Variants in DLG2 observed in about 807,000 individuals in gnomAD.
DLG2 encodes disks large homolog 2.
Under a neutral mutation model 132.5 loss-of-function variants are expected in DLG2, and 45 were observed. That is an observed-to-expected ratio of 0.34 (90% confidence interval 0.27 to 0.44). The LOEUF (loss-of-function observed/expected upper bound fraction) is 0.44. Among genes scored for constraint, DLG2 ranks in the 20% least tolerant of loss-of-function variants. The pLI, the probability that DLG2 is intolerant of heterozygous loss-of-function variation, is 1.00. For missense variants in DLG2, 1,045 were observed against 1,196.9 expected (o/e 0.87, Z 1.87); for synonymous variants, 424 against 419.6 (o/e 1.01, Z -0.13).
At chr11:84,660,478 C>T (rs1237175325) in intron 6 of DLG2, among the ~76,000 whole-genome samples, 1 of 152,038 alleles carries the variant, frequency 6.6e-6, no homozygotes, top group Non-Finnish European at 1.5e-5. Flanking sequence ...ATCTCTATAA[C>T]CTTCTGAGGA....
intron 6 of DLG2, among the ~76,000 whole-genome samples, chr11:84,810,723 T>C (rs2076461792): frequency 6.6e-6 from 1 of 152,126 alleles, no homozygotes; most frequent in Non-Finnish European, 1.5e-5. Flanking sequence ...TTAAACAAGC[T>C]GCAGTGTGTC....
At chr11:83,914,990 CA>C (rs1426786049) in intron 15 of DLG2, among the ~76,000 whole-genome samples, 1 of 151,812 alleles carries the variant, frequency 6.6e-6, no homozygotes, top group Non-Finnish European at 1.5e-5. Context: ...GAAACAGACA[CA>C]TAAAGGATGA....
chr11:84,912,624 A>G (rs1385614829), intron 6 of DLG2, among the ~76,000 whole-genome samples: 7 of 152,256 alleles, frequency 4.6e-5, no homozygotes, highest in Admixed American at 2.6e-4. Context: ...ACCTAGAAGC[A>G]TTGCAGACTA....
intron 6 of DLG2, among the ~76,000 whole-genome samples, chr11:84,669,465 C>A (rs1304964142): frequency 6.6e-6 from 1 of 152,178 alleles, no homozygotes; most frequent in African/African-American, 2.4e-5. Flanking sequence ...GAACGCACTA[C>A]TATCACCTCT....
intron 18 of DLG2, among the ~76,000 whole-genome samples, chr11:83,784,626 T>C (rs936277069): frequency 1.8e-4 from 28 of 152,230 alleles, no homozygotes; most frequent in African/African-American, 6.8e-4. Flanking sequence ...AACTACAGCA[T>C]AGTAACCAAA....
intron 6 of DLG2, among the ~76,000 whole-genome samples, chr11:84,970,997 C>T (rs896785540): frequency 6.6e-6 from 1 of 152,034 alleles, no homozygotes; most frequent in Non-Finnish European, 1.5e-5. Context: ...TTTTAAATTA[C>T]TTGGGGTATA....
In DLG2 at chr11:83,766,238, C is replaced by T. The variant is rs983335190; in HGVS notation, c.1825+20452G>A. 5.9e-5 allele frequency among the ~76,000 whole-genome samples: 9 copies of T among 152,008 alleles called. No homozygotes were observed. The South Asian group carries it at 1.9e-3, about 32-fold the overall frequency. On this transcript the variant is annotated intron_variant, in intron 18 of 27. Transcript: ENST00000376104. ...CTTCCCAAGTAGCTGGGACTACAGG[C>T]ACGTGCCACCACACCTGGCTAATTT... is the stretch of plus-strand genomic sequence containing the variant.
intron 18 of DLG2, among the ~76,000 whole-genome samples, chr11:83,698,931 C>T (rs957863118): frequency 6.6e-6 from 1 of 152,158 alleles, no homozygotes; most frequent in African/African-American, 2.4e-5. Flanking sequence ...ATATCAGTAG[C>T]TTTTGCTGCA....
In DLG2 at chr11:84,406,692, T is replaced by A. The variant is rs114804796; in HGVS notation, c.519+127878A>T. 3.2e-3 allele frequency among the ~76,000 whole-genome samples: 491 copies of A among 152,348 alleles called. 3 individuals carry two copies. The highest frequency in any genetic ancestry group is 0.011 in the African/African-American group (477 of 41,582). ...ATTCCTCTTGGCCTGCCTTTTTCAA[T>A]TCTGGAGGGAGCAGAATTCTTGCTC... On this transcript the variant is annotated intron_variant, in intron 7 of 27. Coordinates refer to ENST00000376104, the MANE Select transcript of DLG2 (RefSeq NM_001142699.3).
intron 14 of DLG2, among the ~76,000 whole-genome samples, chr11:83,939,556 T>C (rs2082204757): frequency 6.6e-6 from 1 of 152,178 alleles, no homozygotes; most frequent in Non-Finnish European, 1.5e-5. Flanking sequence ...TTCTTTCTTT[T>C]TATCATGGTG....
intron 3 of DLG2, among the ~76,000 whole-genome samples, chr11:85,594,321 G>C (rs2079573832): frequency 6.6e-6 from 1 of 152,156 alleles, no homozygotes; most frequent in Non-Finnish European, 1.5e-5. Flanking sequence ...GAAATGAAAT[G>C]TACTCTATTC....
chr11:85,490,622 C>T (rs2093535357), intron 3 of DLG2, among the ~76,000 whole-genome samples: 1 of 151,998 alleles, frequency 6.6e-6, no homozygotes, highest in Non-Finnish European at 1.5e-5. Context: ...CATTACCAGT[C>T]ATACCACAGA....
intron 10 of DLG2, among the ~76,000 whole-genome samples, chr11:84,085,774 T>C (rs755356316): frequency 6.6e-5 from 10 of 152,200 alleles, no homozygotes; most frequent in Admixed American, 3.3e-4. Context: ...TAGAATCCCA[T>C]AAAGCCAATC....
intron 3 of DLG2, among the ~76,000 whole-genome samples, chr11:85,461,335 G>A (rs2092605417): frequency 6.6e-6 from 1 of 152,202 alleles, no homozygotes. Flanking sequence ...GAATACAGTT[G>A]AGGGAGAAAA....
chr11:84,007,757 T>C (rs2094644376), intron 11 of DLG2, among the ~76,000 whole-genome samples: 1 of 151,736 alleles, frequency 6.6e-6, no homozygotes, highest in Admixed American at 6.6e-5. Flanking sequence ...GGTTCTACCA[T>C]TTAAAAACTG....
At chr11:83,594,801 T>G (rs932189695) in intron 19 of DLG2, among the ~76,000 whole-genome samples, 6 of 152,148 alleles carry the variant, frequency 3.9e-5, no homozygotes, top group African/African-American at 1.4e-4. Flanking sequence ...TGTATGGAAT[T>G]TCTCAGCAAA....
chr11:85,031,155 G>C (rs2060971507), intron 6 of DLG2, among the ~76,000 whole-genome samples: 1 of 151,490 alleles, frequency 6.6e-6, no homozygotes. Flanking sequence ...GTTTCTTTGG[G>C]GCTCTTCATT....
chr11:84,784,252 G>A (rs571384127), intron 6 of DLG2, among the ~76,000 whole-genome samples: 1 of 149,138 alleles, frequency 6.7e-6, no homozygotes, highest in East Asian at 2.0e-4. Flanking sequence ...CCCGGGTGGT[G>A]GAGGTTTCAG....
intron 7 of DLG2, among the ~76,000 whole-genome samples, chr11:84,252,649 A>C (rs74738902): frequency 0.033 from 5,036 of 152,272 alleles, 276 homozygotes; most frequent in African/African-American, 0.11. Flanking sequence ...AGAAAATAAG[A>C]GATTGCAATC....
Sources: allele counts gnomAD v4.1 joint callset (sites outside exome capture counted in the v4.1 genomes callset), GRCh38; gene constraint gnomAD v4.1.1; transcripts MANE v1.5; gene names NCBI Gene and HGNC (gene_info 2026-07-23, HGNC 2026-07-21).